Variants in JAKMIP3 observed in about 807,000 individuals in gnomAD.
The protein encoded by JAKMIP3 is Janus kinase and microtubule interacting protein 3.
In JAKMIP3, 58 loss-of-function variants were observed where a neutral mutation model predicts 118.5. The observed-to-expected ratio is 0.49, with a 90% CI of 0.40 to 0.61. JAKMIP3 has a LOEUF of 0.61. Among genes scored for constraint, JAKMIP3 ranks in the 20% least tolerant of loss-of-function variants. The pLI, the probability that JAKMIP3 is intolerant of heterozygous loss-of-function variation, is 0.00. For missense variants in JAKMIP3, 950 were observed against 1,109.0 expected (o/e 0.86, Z 2.04); for synonymous variants, 486 against 451.2 (o/e 1.08, Z -0.98).
chr10:132,121,247 G>A (rs956106949), intron 3 of JAKMIP3, among the ~76,000 whole-genome samples: 1 of 152,102 alleles, frequency 6.6e-6, no homozygotes, highest in Non-Finnish European at 1.5e-5. Context: ...GGAGCTGCAG[G>A]CGGGAGGAAC....
intron 23 of JAKMIP3, among the ~76,000 whole-genome samples, chr10:132,171,305 G>T (rs1189420699): frequency 6.6e-6 from 1 of 152,222 alleles, no homozygotes; most frequent in Admixed American, 6.5e-5. Context: ...CTTGCAGCCA[G>T]CAAGGGGCTT....
At chr10:132,169,824 G>C (rs1318641531) in intron 23 of JAKMIP3, 2 of 152,336 alleles carry the variant, frequency 1.3e-5, no homozygotes, top group East Asian at 1.9e-4. Context: ...ACTCAGGAGA[G>C]GGCGGCAGCT....
intron 6 of JAKMIP3, 121 bp from the exon 7 acceptor site, chr10:132,136,898 G>A (rs1036420578): frequency 2.7e-5 from 30 of 1,118,346 alleles, no homozygotes; most frequent in South Asian, 4.7e-5. Context: ...AGCAGAGGCC[G>A]CCAGCCGGGC....
upstream of JAKMIP3, among the ~76,000 whole-genome samples, chr10:132,062,043 G>C (rs887112471): frequency 1.3e-5 from 2 of 152,158 alleles, no homozygotes; most frequent in Non-Finnish European, 2.9e-5. Flanking sequence ...CAGAGGGAAA[G>C]GGGGGCCGGG....
chr10:132,079,700 C>T (rs1384383390), intron 1 of JAKMIP3, among the ~76,000 whole-genome samples: 1 of 152,180 alleles, frequency 6.6e-6, no homozygotes, highest in Non-Finnish European at 1.5e-5. Flanking sequence ...AGAACTTTCT[C>T]ATCTTGTAAA....
chr10:132,119,579 C>T (rs1191610242), intron 3 of JAKMIP3, among the ~76,000 whole-genome samples: 1 of 152,162 alleles, frequency 6.6e-6, no homozygotes, highest in Non-Finnish European at 1.5e-5. Context: ...CCTCCTCCGC[C>T]CTACTTTGTA....
intron 3 of JAKMIP3, among the ~76,000 whole-genome samples, chr10:132,131,693 G>T (rs1398706762): frequency 6.6e-6 from 1 of 152,094 alleles, no homozygotes; most frequent in Admixed American, 6.5e-5. Flanking sequence ...TGGCAGTGGG[G>T]TGATGCTTGC....
At position 132,136,040 on chromosome 10, in the gene JAKMIP3, C is replaced by G; in HGVS notation, c.1080C>G (p.Asn360Lys). 6.2e-7 allele frequency: 1 copy of G among 1,613,464 alleles called. No homozygotes were observed. The highest frequency in any genetic ancestry group is 8.5e-7 in the Non-Finnish European group (1 of 1,179,718). The stretch of plus-strand genomic sequence containing the variant: ...CTCATGCTTTACGCCGAATGGAAAA[C>G]AAGTTAAAATTTGTCACCCAGGAGA... ...DLSHALRRME[N>K]KLKFVTQENI... The change falls in exon 6 of 24, where the codon AAC becomes AAG. Residue 360 changes from asparagine (N) to lysine (K), a missense_variant. Asn to Lys is a moderately conservative substitution (Grantham distance 94). Transcript: ENST00000684848.
intron 1 of JAKMIP3, among the ~76,000 whole-genome samples, chr10:132,102,940 C>T (rs1402477266): frequency 6.6e-6 from 1 of 150,882 alleles, no homozygotes; most frequent in Non-Finnish European, 1.5e-5. Flanking sequence ...CTGTGTTCAC[C>T]AGGAGAGGAG....
intron 19 of JAKMIP3, among the ~76,000 whole-genome samples, chr10:132,159,606 A>ATGTGATGCTGGGGGTCCTCTTCCTT (rs1564981572): frequency 5.5e-5 from 2 of 36,218 alleles, no homozygotes; most frequent in Non-Finnish European, 1.0e-4. Flanking sequence ...ATGTCTTCCT[A>ATGTGATGCTGGGGGTCCTCTTCCTT]TGTGATGCTG....
intron 23 of JAKMIP3, chr10:132,169,816 T>A (rs2136778150): frequency 6.6e-6 from 1 of 152,278 alleles, no homozygotes; most frequent in African/African-American, 2.4e-5. Flanking sequence ...CACCCTGGAC[T>A]CAGGAGAGGG....
intron 8 of JAKMIP3, among the ~76,000 whole-genome samples, chr10:132,137,848 C>G (rs374354001): frequency 6.6e-6 from 1 of 152,228 alleles, no homozygotes; most frequent in African/African-American, 2.4e-5. Context: ...CCGTGTGGCC[C>G]CTGGACGCAT....
At chr10:132,146,204 A>G (rs1216494747) in intron 13 of JAKMIP3, among the ~76,000 whole-genome samples, 2 of 145,110 alleles carry the variant, frequency 1.4e-5, no homozygotes, top group African/African-American at 5.1e-5. Context: ...AAAACAGATC[A>G]GAACATGCGA....
Position 132,112,618 on chromosome 10 carries a change from C to T in JAKMIP3, c.136-4459C>T, listed in dbSNP as rs926259037. 4.6e-5 allele frequency among the ~76,000 whole-genome samples: 7 copies of T among 152,216 alleles called. No individual in the cohort carries two copies. Among genetic ancestry groups the T allele is most frequent in the Non-Finnish European group, 1.0e-4 (7 of 68,030 alleles). ...TGAATGTCTTGCATTTTAAAGAAGTCTCCTGCCTTCCCCTGGGGACTGTCT... is the reference window on the plus strand; with the variant it reads ...TGAATGTCTTGCATTTTAAAGAAGTTTCCTGCCTTCCCCTGGGGACTGTCT... On this transcript the variant is annotated intron_variant, in intron 2 of 23. Transcript: ENST00000684848. This position sits in a 1 kb window ranked among gnomAD's most constrained non-coding sequence, Gnocchi z 4.3.
chr10:132,102,262 A>G (rs1171727603), intron 1 of JAKMIP3, among the ~76,000 whole-genome samples: 2 of 152,126 alleles, frequency 1.3e-5, no homozygotes, highest in Non-Finnish European at 2.9e-5. Flanking sequence ...AAGGGGAGAC[A>G]GGCAGTGCGC....
At chr10:132,066,819 G>A (rs1463789414) in intron 1 of JAKMIP3, among the ~76,000 whole-genome samples, 1 of 152,196 alleles carries the variant, frequency 6.6e-6, no homozygotes, top group Non-Finnish European at 1.5e-5. Flanking sequence ...GGCTGCGGTG[G>A]AAAGGGTGTC....
chr10:132,103,658 G>C (rs1208929011), intron 1 of JAKMIP3, among the ~76,000 whole-genome samples: 1 of 152,076 alleles, frequency 6.6e-6, no homozygotes, highest in Non-Finnish European at 1.5e-5. Flanking sequence ...GACTTGCTGT[G>C]ACCAGTGGAG....
chr10:132,136,313 C>T (rs1473328222), intron 6 of JAKMIP3, among the ~76,000 whole-genome samples: 1 of 152,228 alleles, frequency 6.6e-6, no homozygotes, highest in African/African-American at 2.4e-5. Flanking sequence ...GGGGCGTCCC[C>T]TCCCCAGGCC....
At chr10:132,164,907 C>A (rs891579411) in intron 21 of JAKMIP3, among the ~76,000 whole-genome samples, 172 bp downstream of exon 21, 2 of 152,166 alleles carry the variant, frequency 1.3e-5, no homozygotes, top group Non-Finnish European at 2.9e-5. Flanking sequence ...CTGAGCTGGG[C>A]GGAGCTGAGC....
Sources: allele counts gnomAD v4.1 joint callset (sites outside exome capture counted in the v4.1 genomes callset), GRCh38; gene constraint gnomAD v4.1.1; non-coding constraint Gnocchi (gnomAD v3.1); transcripts MANE v1.5; gene names NCBI Gene and HGNC (gene_info 2026-07-23, HGNC 2026-07-21).